DGKB: variants seen among roughly 807,000 people sequenced by gnomAD.
The protein encoded by DGKB is diacylglycerol kinase beta, also known as 90 kDa diacylglycerol kinase.
A neutral mutation model predicts 114.3 loss-of-function variants in DGKB; 67 were observed. The observed-to-expected ratio is 0.59, with a 90% CI of 0.48 to 0.72. The LOEUF is 0.72. Among genes scored for constraint, DGKB ranks in the 30% least tolerant of loss-of-function variants. The pLI, the probability that DGKB is intolerant of heterozygous loss-of-function variation, is 0.00. For synonymous variants in DGKB, 398 were observed against 323.1 expected, an observed-to-expected ratio of 1.23 and a Z score of -2.49; for missense variants, 907 against 975.2, an observed-to-expected ratio of 0.93 and a Z score of 0.93.
chr7:14,289,744 C>CAAAAAAAAA (rs3067647), intron 23 of DGKB, among the ~76,000 whole-genome samples: 3 of 126,812 alleles, frequency 2.4e-5, no homozygotes, highest in Non-Finnish European at 1.7e-5. Flanking sequence ...AGACATGGAC[C>CAAAAAAAAA]AAAAAAAAAA....
chr7:14,198,908 T>A (rs543088760), intron 23 of DGKB, among the ~76,000 whole-genome samples: 2 of 152,158 alleles, frequency 1.3e-5, no homozygotes, highest in South Asian at 4.1e-4. Context: ...TAACATTTGG[T>A]ACAGCTATGC....
At chr7:14,629,675 T>C (rs1326406600) in intron 14 of DGKB, among the ~76,000 whole-genome samples, 2 of 152,036 alleles carry the variant, frequency 1.3e-5, no homozygotes, top group Non-Finnish European at 2.9e-5. Flanking sequence ...CTGAAAATAA[T>C]GTTGTGGCAA....
At position 14,166,972 on chromosome 7, in the gene DGKB, G is replaced by C. The variant is rs74460582; in HGVS notation, c.2304+9867C>G. The stretch of plus-strand genomic sequence containing the variant: ...TGCAGGTAATCCTACCACTTTGGGA[G>C]GCCAAGGCAGGCGGATTGCCTGAGC... On this transcript the variant is annotated intron_variant, in intron 25 of 25. Coordinates refer to ENST00000402815, the MANE Select transcript of DGKB (RefSeq NM_001350709.2). Among the ~76,000 whole-genome samples, 68 of 152,190 alleles carry C rather than the reference G, an allele frequency of 4.5e-4. 1 individual carries two copies. The highest frequency in any genetic ancestry group is 1.6e-3 in the African/African-American group (68 of 41,530).
chr7:14,463,218 A>C (rs2128872898), intron 21 of DGKB, among the ~76,000 whole-genome samples: 1 of 152,168 alleles, frequency 6.6e-6, no homozygotes, highest in East Asian at 1.9e-4. Flanking sequence ...CAGGGAGGGG[A>C]ACATCACATA....
At chr7:14,473,353 G>A (rs1781700588) in intron 21 of DGKB, among the ~76,000 whole-genome samples, 1 of 152,206 alleles carries the variant, frequency 6.6e-6, no homozygotes, top group Non-Finnish European at 1.5e-5. Flanking sequence ...GAGCCTGAGA[G>A]TGCATAGCAG....
intron 21 of DGKB, among the ~76,000 whole-genome samples, chr7:14,451,723 G>T (rs570243024): frequency 6.6e-6 from 1 of 152,180 alleles, no homozygotes; most frequent in South Asian, 2.1e-4. Context: ...AAGATACCCA[G>T]AACAACTGGG....
intron 23 of DGKB, among the ~76,000 whole-genome samples, chr7:14,181,193 G>A (rs190676615): frequency 1.3e-5 from 2 of 152,242 alleles, no homozygotes; most frequent in African/African-American, 4.8e-5. Context: ...GTACTACAGA[G>A]GCACAGTAGA....
rs372535747 is a variant in DGKB at position 14,162,329 on chromosome 7, T to G, written c.2305-13091A>C. On this transcript the variant is annotated intron_variant, in intron 25 of 25. Coordinates refer to ENST00000402815, the MANE Select transcript of DGKB (RefSeq NM_001350709.2). The stretch of plus-strand genomic sequence containing the variant: ...GGGAGATTATTTCCAATTTTGCACA[T>G]TCCAGAGGAAGATATTCAGTTTCGA... Among the ~76,000 whole-genome samples the G allele has an allele frequency of 4.6e-5, 7 of 152,308 alleles. No individual in the cohort carries two copies. The East Asian group carries it at 1.4e-3, about 29-fold the overall frequency.
intron 2 of DGKB, among the ~76,000 whole-genome samples, chr7:14,833,334 T>C (rs1464050562): frequency 1.3e-5 from 2 of 152,156 alleles, no homozygotes; most frequent in Non-Finnish European, 2.9e-5. Flanking sequence ...CTTCAGATAT[T>C]TTACTACCTC....
intron 5 of DGKB, among the ~76,000 whole-genome samples, chr7:14,733,701 G>A (rs1466029095): frequency 6.9e-6 from 1 of 145,378 alleles, no homozygotes; most frequent in Non-Finnish European, 1.5e-5. Flanking sequence ...ACAAAAGAAC[G>A]AAAGAATGAA....
chr7:14,951,202 T>A (rs547364217), intron 1 of DGKB, among the ~76,000 whole-genome samples: 1 of 152,120 alleles, frequency 6.6e-6, no homozygotes, highest in East Asian at 1.9e-4. Context: ...GACAAGGGTG[T>A]CTGCTGTTTC....
chr7:14,527,601 A>C (rs1209547728), intron 20 of DGKB, among the ~76,000 whole-genome samples: 2 of 152,082 alleles, frequency 1.3e-5, no homozygotes, highest in Non-Finnish European at 2.9e-5. Flanking sequence ...TATATAAATC[A>C]TTTTTGGAAG....
At chr7:14,782,519 A>C (rs1468690283) in intron 2 of DGKB, among the ~76,000 whole-genome samples, 3 of 152,162 alleles carry the variant, frequency 2.0e-5, no homozygotes, top group Admixed American at 2.0e-4. Context: ...AGGCATGTGG[A>C]ATAAAAGCAT....
intron 2 of DGKB, among the ~76,000 whole-genome samples, chr7:14,837,628 C>T (rs1264076107): frequency 6.6e-6 from 1 of 151,984 alleles, no homozygotes; most frequent in Non-Finnish European, 1.5e-5. Flanking sequence ...AAAGTGAATG[C>T]ATTGTATCAT....
chr7:14,896,549 T>G (rs1562842024), intron 1 of DGKB, among the ~76,000 whole-genome samples: 1 of 151,674 alleles, frequency 6.6e-6, no homozygotes, highest in Non-Finnish European at 1.5e-5. Context: ...CTACTGATAC[T>G]TTTTCTCTGA....
At chr7:14,953,857 AG>A (rs916352528) in intron 1 of DGKB, among the ~76,000 whole-genome samples, 5 of 152,110 alleles carry the variant, frequency 3.3e-5, no homozygotes, top group Admixed American at 6.6e-5. Context: ...AAGGCTAAGA[AG>A]TGTTTATGAG....
intron 1 of DGKB, among the ~76,000 whole-genome samples, chr7:14,935,655 G>A (rs1032079395): frequency 3.9e-5 from 6 of 151,992 alleles, no homozygotes; most frequent in East Asian, 3.9e-4. Flanking sequence ...ACTTCTGTAT[G>A]GTAAGACTTT....
intron 2 of DGKB, among the ~76,000 whole-genome samples, chr7:14,824,399 G>A (rs927135330): frequency 3.9e-5 from 6 of 152,114 alleles, no homozygotes; most frequent in Admixed American, 3.3e-4. Context: ...GACCTAGAAC[G>A]TGTAAGGGAG....
At chr7:14,729,123 C>CTTTCTTTTTTTTTTTTTT (rs1463141725) in intron 5 of DGKB, among the ~76,000 whole-genome samples, 130 of 113,382 alleles carry the variant, frequency 1.1e-3, no homozygotes, top group Non-Finnish European at 1.8e-3. Context: ...CATTTTCTTT[C>CTTTCTTTTTTTTTTTTTT]TTTTTTTTTT....
Sources: allele counts gnomAD v4.1 joint callset (sites outside exome capture counted in the v4.1 genomes callset), GRCh38; gene constraint gnomAD v4.1.1; transcripts MANE v1.5; gene names NCBI Gene and HGNC (gene_info 2026-07-23, HGNC 2026-07-21).